Variants in TRAPPC9 observed in about 807,000 individuals in gnomAD.
TRAPPC9 encodes the protein trafficking protein particle complex subunit 9.
In TRAPPC9, 83 loss-of-function variants were observed where a neutral mutation model predicts 124.0. That is an observed-to-expected ratio of 0.67 (90% CI 0.56 to 0.80). The LOEUF (loss-of-function observed/expected upper bound fraction) is 0.80, where lower values mean the gene tolerates loss of function less well. TRAPPC9 is among the 30% of genes least tolerant of loss of function. TRAPPC9 has a pLI of 0.00. For missense variants in TRAPPC9, 1,302 were observed against 1,508.3 expected (o/e 0.86, Z 2.27); for synonymous variants, 638 against 617.5 (o/e 1.03, Z -0.49).
At chr8:140,146,220 C>A (rs1428173665) in intron 17 of TRAPPC9, among the ~76,000 whole-genome samples, 1 of 152,258 alleles carries the variant, frequency 6.6e-6, no homozygotes, top group Admixed American at 6.5e-5. Context: ...CTAATAAATT[C>A]TTCACCAGAT....
intron 17 of TRAPPC9, among the ~76,000 whole-genome samples, chr8:140,158,953 T>C (rs2061700094): frequency 6.6e-6 from 1 of 152,244 alleles, no homozygotes; most frequent in African/African-American, 2.4e-5. Context: ...TCATCCATCA[T>C]CCATCAGCTA....
chr8:140,272,330 G>A (rs2064957960), intron 15 of TRAPPC9, among the ~76,000 whole-genome samples: 1 of 149,444 alleles, frequency 6.7e-6, no homozygotes, highest in Non-Finnish European at 1.5e-5. Context: ...AGTGGTGATG[G>A]TGGTTTTGGT....
chr8:139,934,280 CAG>C lies in TRAPPC9; in HGVS notation c.2811-23982_2811-23981del, dbSNP rs34430255. Among the ~76,000 whole-genome samples, 543 of 147,288 alleles carry C rather than the reference CAG, an allele frequency of 3.7e-3. 4 individuals carry two copies. The highest frequency in any genetic ancestry group is 0.029 in the East Asian group (144 of 5,024). On this transcript the variant is annotated intron_variant, in intron 19 of 22. Transcript: ENST00000438773. ...CTGAATCCCTGACTTCAAGTCCAGT[CAG>C]AGAGAGAGAGAGAGAGAGAGAGAAG...
chr8:139,875,641 T>C lies in TRAPPC9; in HGVS notation c.3055+10238A>G, dbSNP rs976539864. ...TCAGGCCAGTTGCCACAAGCCGTCA[T>C]GGTCCCCAGGAAGTGGCTCTCAACT... On this transcript the variant is annotated intron_variant, in intron 21 of 22. Transcript: ENST00000438773. 5.3e-5 allele frequency among the ~76,000 whole-genome samples: 8 copies of C among 152,240 alleles called. No homozygotes were observed. The South Asian group carries it at 6.2e-4, about 12-fold the overall frequency.
intron 17 of TRAPPC9, among the ~76,000 whole-genome samples, chr8:140,139,712 T>C (rs1389664151): frequency 6.6e-6 from 1 of 151,966 alleles, no homozygotes; most frequent in Non-Finnish European, 1.5e-5. Context: ...ACAGGCAAAA[T>C]AACCTATGGT....
chr8:140,003,601 C>CAAAA (rs58826807), intron 18 of TRAPPC9, among the ~76,000 whole-genome samples: 44 of 91,334 alleles, frequency 4.8e-4, no homozygotes, highest in African/African-American at 1.3e-3. Context: ...GACCCTGTCA[C>CAAAA]AAAAAAAAAA....
At chr8:140,065,766 C>T (rs891480279) in intron 17 of TRAPPC9, among the ~76,000 whole-genome samples, 2 of 152,206 alleles carry the variant, frequency 1.3e-5, no homozygotes, top group African/African-American at 4.8e-5. Flanking sequence ...TGACAATGCA[C>T]CACGTCACGT....
intron 4 of TRAPPC9, among the ~76,000 whole-genome samples, chr8:140,430,084 T>A (rs913004905): frequency 2.0e-5 from 3 of 151,286 alleles, no homozygotes; most frequent in Non-Finnish European, 4.4e-5. Context: ...GACGCAGAGG[T>A]TGCAGTGAGC....
intron 11 of TRAPPC9, among the ~76,000 whole-genome samples, chr8:140,297,075 A>G (rs1178401274): frequency 6.6e-6 from 1 of 152,234 alleles, no homozygotes; most frequent in Admixed American, 6.5e-5. Context: ...CGACGTCCCC[A>G]AAACACAGTG....
chr8:139,891,827 C>A (rs1260519862), intron 20 of TRAPPC9, among the ~76,000 whole-genome samples: 1 of 152,324 alleles, frequency 6.6e-6, no homozygotes, highest in Non-Finnish European at 1.5e-5. Context: ...GCAGCTTACA[C>A]GTGCTCAGCG....
chr8:140,091,094 G>GT (rs918348584), intron 17 of TRAPPC9, among the ~76,000 whole-genome samples: 4 of 152,164 alleles, frequency 2.6e-5, no homozygotes, highest in African/African-American at 9.7e-5. Context: ...AAAACCCTGG[G>GT]TAAGAGATCA....
At chr8:140,368,746 TCTC>T (rs1238629988) in intron 8 of TRAPPC9, among the ~76,000 whole-genome samples, 1 of 152,100 alleles carries the variant, frequency 6.6e-6, no homozygotes, top group Non-Finnish European at 1.5e-5. Flanking sequence ...CCCGCCTGAC[TCTC>T]CTCCTGCTAT....
At chr8:139,800,326 T>C (rs904828680) in intron 21 of TRAPPC9, among the ~76,000 whole-genome samples, 5 of 152,160 alleles carry the variant, frequency 3.3e-5, no homozygotes, top group Admixed American at 6.5e-5. Flanking sequence ...GCCAGGGAAG[T>C]GGGTGACCAG....
chr8:140,042,077 A>G (rs1245247786), intron 17 of TRAPPC9, among the ~76,000 whole-genome samples: 2 of 152,234 alleles, frequency 1.3e-5, no homozygotes, highest in Non-Finnish European at 2.9e-5. Flanking sequence ...ACATAACACT[A>G]TTGTACTAAT....
chr8:140,064,508 T>C (rs1017692304), intron 17 of TRAPPC9, among the ~76,000 whole-genome samples: 2 of 152,200 alleles, frequency 1.3e-5, no homozygotes, highest in Non-Finnish European at 2.9e-5. Context: ...CCAGAGCTCC[T>C]GGAAGGCAGG....
chr8:140,338,687 C>T (rs35066768), intron 9 of TRAPPC9, among the ~76,000 whole-genome samples: 31,466 of 149,756 alleles, frequency 0.21, 4,159 homozygotes, highest in East Asian at 0.63. Context: ...ATGTGGAGAC[C>T]TGTCAAGAAG....
At chr8:140,377,414 T>C (rs1438102561) in intron 7 of TRAPPC9, among the ~76,000 whole-genome samples, 1 of 152,128 alleles carries the variant, frequency 6.6e-6, no homozygotes, top group African/African-American at 2.4e-5. Flanking sequence ...TTCTCCCGCC[T>C]CAGCCTCCTC....
At chr8:139,743,224 T>G (rs905215393) in intron 21 of TRAPPC9, among the ~76,000 whole-genome samples, 1 of 152,234 alleles carries the variant, frequency 6.6e-6, no homozygotes, top group Non-Finnish European at 1.5e-5. Context: ...CTTCAGGGCA[T>G]GTCCCCTCAA....
chr8:139,779,111 G>A (rs1821593772), intron 21 of TRAPPC9, among the ~76,000 whole-genome samples: 6 of 152,070 alleles, frequency 3.9e-5, no homozygotes. Flanking sequence ...AGAAAAGAGA[G>A]ACATGTTGTA....
Sources: gnomAD v4.1 joint callset for allele counts (sites outside exome capture counted in the v4.1 genomes callset) on GRCh38, gnomAD v4.1.1 for gene constraint, MANE v1.5 for transcripts, NCBI Gene and HGNC (gene_info 2026-07-23, HGNC 2026-07-21) for gene names.